The following AMTN variants were observed in gnomAD, a reference collection of about 807,000 sequenced individuals.
AMTN encodes the protein amelotin.
In AMTN, 29 loss-of-function variants were observed where a neutral mutation model predicts 27.4. The ratio of observed to expected loss-of-function variants is 1.06; its 90% CI spans 0.79 to 1.44. The LOEUF (loss-of-function observed/expected upper bound fraction) is 1.44. AMTN is among the 40% of genes most tolerant of loss of function. AMTN has a pLI of 0.00. For synonymous variants in AMTN, 86 were observed against 95.7 expected (o/e 0.90, Z 0.59); for missense variants, 247 against 248.8 (o/e 0.99, Z 0.05).
chr4:70,522,124 G>A (rs1017945670), intron 2 of AMTN, among the ~76,000 whole-genome samples: 12 of 152,060 alleles, frequency 7.9e-5, no homozygotes, highest in African/African-American at 2.9e-4. Flanking sequence ...GCACTTAGAG[G>A]GATCTAGCAC....
At chr4:70,529,062 T>C in intron 6 of AMTN, 122 bp from the exon 7 acceptor site, 2 of 945,300 alleles carry the variant, frequency 2.1e-6, no homozygotes, top group Non-Finnish European at 3.0e-6. Context: ...TAACATATTA[T>C]TGGAAAGGCA....
rs997306369 is a variant in AMTN at position 70,528,048 on chromosome 4, C to G, written c.295-675C>G. On this transcript the variant is annotated intron_variant, in intron 5 of 8. Transcript: ENST00000339336. ...TCTTCACATTTGAAAATACCCATCG[C>G]GTGTTTTAATGTGTCTTCTGAGATG... Among the ~76,000 whole-genome samples the G allele has an allele frequency of 5.3e-5, 8 of 152,120 alleles. No individual in the cohort carries two copies. In the East Asian group the frequency reaches 1.5e-3, roughly 29 times the overall value.
At chr4:70,527,899 C>T (rs765999216) in intron 5 of AMTN, among the ~76,000 whole-genome samples, 4 of 152,086 alleles carry the variant, frequency 2.6e-5, no homozygotes, top group Admixed American at 1.3e-4. Context: ...AATTATTTCT[C>T]GCCTAGTACT....
At chr4:70,528,158 T>C (rs553962266) in intron 5 of AMTN, among the ~76,000 whole-genome samples, 1 of 152,200 alleles carries the variant, frequency 6.6e-6, no homozygotes, top group Non-Finnish European at 1.5e-5. Flanking sequence ...ACAATTTTTT[T>C]TTGTTGTTTA....
At chr4:70,522,953 A>G in intron 3 of AMTN, 115 bp downstream of exon 3, 1 of 868,810 alleles carries the variant, frequency 1.2e-6, no homozygotes, top group South Asian at 1.8e-5. Context: ...AATTTACATG[A>G]AGACTGTACA....
chr4:70,518,865 A>G, intron 2 of AMTN, 34 bp downstream of exon 2: 1 of 1,544,042 alleles, frequency 6.5e-7, no homozygotes, highest in African/African-American at 1.4e-5. Context: ...TATGCCAGCC[A>G]GTTTCAACAG....
intron 8 of AMTN, 89 bp from the exon 9 acceptor site, chr4:70,532,366 C>G (rs1736243523): frequency 9.2e-7 from 1 of 1,084,712 alleles, no homozygotes. Context: ...GCTCCTAATC[C>G]TGCAAAAGAA....
chr4:70,521,383 AAAAAAAAAAAAG>A (rs926799395), intron 2 of AMTN, among the ~76,000 whole-genome samples: 4 of 140,600 alleles, frequency 2.8e-5, no homozygotes, highest in African/African-American at 1.0e-4. Flanking sequence ...CCACTTAAAA[AAAAAAAAAAAAG>A]AAGAAGAAAA....
At chr4:70,521,733 C>G (rs112153749) in intron 2 of AMTN, among the ~76,000 whole-genome samples, 3,133 of 137,646 alleles carry the variant, frequency 0.023, 110 homozygotes, top group African/African-American at 0.075. Context: ...GATTCTCCTT[C>G]CTCAACCTCC....
intron 2 of AMTN, among the ~76,000 whole-genome samples, chr4:70,522,242 T>C (rs1735989739): frequency 6.6e-6 from 1 of 152,142 alleles, no homozygotes; most frequent in East Asian, 1.9e-4. Flanking sequence ...GGAGGAATAT[T>C]TTCATATCTA....
In AMTN at chr4:70,529,220, A is replaced by T. The variant is rs1736163665; in HGVS notation, c.357+10A>T. 2.0e-6 allele frequency: 3 copies of T among 1,534,730 alleles called. No homozygotes were observed. In the African/African-American group the frequency reaches 4.2e-5, roughly 22 times the overall value. On this transcript the variant is annotated intron_variant, in intron 7 of 8. Coordinates refer to ENST00000339336, the MANE Select transcript of AMTN (RefSeq NM_212557.4). ...AAGCTCAGAGGAATTGGTAAAAAAAATAAAAATACTATTTCAAATTATTTT... is the reference window on the plus strand; with the variant it reads ...AAGCTCAGAGGAATTGGTAAAAAAATTAAAAATACTATTTCAAATTATTTT...
chr4:70,528,673 A>G (rs1560574289), intron 5 of AMTN, 50 bp from the exon 6 acceptor site: 1 of 1,534,070 alleles, frequency 6.5e-7, no homozygotes, highest in Admixed American at 1.7e-5. Flanking sequence ...CAGTATTTAT[A>G]CCATCTTCCA....
Position 70,531,240 on chromosome 4 carries a change from C to G in AMTN, c.559C>G (p.Pro187Ala). Residue 187 changes from proline (P) to alanine (A), a missense_variant, in exon 8 of 9, where the codon CCT becomes GCT. Pro to Ala is a conservative substitution (Grantham distance 27). Coordinates refer to ENST00000339336, the MANE Select transcript of AMTN (RefSeq NM_212557.4). ...AGATGACGACTTTGCAGTGACCACC[C>G]CTGCAGGCATCCAAAGGAGCACACA... is the stretch of plus-strand genomic sequence containing the variant. ...GTDDDFAVTT[P>A]AGIQRSTHAI... 6.2e-7 allele frequency: 1 copy of G among 1,614,060 alleles called. No individual in the cohort carries two copies. The highest frequency in any genetic ancestry group is 8.5e-7 in the Non-Finnish European group (1 of 1,179,976).
intron 8 of AMTN, 147 bp downstream of exon 8, chr4:70,531,447 C>T (rs1736222479): frequency 9.6e-7 from 1 of 1,045,846 alleles, no homozygotes; most frequent in African/African-American, 1.6e-5. Context: ...ACTCCAGCAA[C>T]ATGAGGGAAT....
intron 4 of AMTN, among the ~76,000 whole-genome samples, chr4:70,524,421 A>AT (rs1292791145): frequency 2.6e-5 from 4 of 152,274 alleles, no homozygotes; most frequent in East Asian, 3.9e-4. Flanking sequence ...GTTAAAGTGG[A>AT]TTTTTTTAGT....
At chr4:70,522,696 G>A (rs763467017) in intron 2 of AMTN, 59 bp from the exon 3 acceptor site, 3 of 1,537,578 alleles carry the variant, frequency 2.0e-6, no homozygotes, top group Non-Finnish European at 2.7e-6. Context: ...GGATATAAAT[G>A]GACACAAAAT....
In AMTN at chr4:70,524,993, A is replaced by G; in HGVS notation, c.294+32A>G. 3 of 1,583,730 alleles carry G rather than the reference A, an allele frequency of 1.9e-6. No homozygotes were observed. In the South Asian group the frequency reaches 3.4e-5, roughly 18 times the overall value. The stretch of plus-strand genomic sequence containing the variant: ...TGAACAGCTGGACCTTAGTTTTAAC[A>G]TTAGAGAGCATTTTCTCTCAGGTGA... On this transcript the variant is annotated intron_variant, in intron 5 of 8. Coordinates refer to ENST00000339336, the MANE Select transcript of AMTN (RefSeq NM_212557.4).
At chr4:70,521,960 G>A (rs760804717) in intron 2 of AMTN, among the ~76,000 whole-genome samples, 8 of 152,110 alleles carry the variant, frequency 5.3e-5, no homozygotes, top group African/African-American at 9.7e-5. Context: ...AAATTCCAGC[G>A]TGAAACCAAA....
chr4:70,526,206 G>C (rs1362777917), intron 5 of AMTN, among the ~76,000 whole-genome samples: 1 of 152,080 alleles, frequency 6.6e-6, no homozygotes, highest in Non-Finnish European at 1.5e-5. Context: ...TGTCCTTCCA[G>C]TCTTTTTTCT....
Sources: allele counts gnomAD v4.1 joint callset (sites outside exome capture counted in the v4.1 genomes callset), GRCh38; gene constraint gnomAD v4.1.1; transcripts MANE v1.5; gene names NCBI Gene and HGNC (gene_info 2026-07-23, HGNC 2026-07-21).